Variants in POLR1A observed in about 807,000 individuals in gnomAD.
POLR1A encodes RNA polymerase I subunit A, also known as DNA-directed RNA polymerase I subunit RPA1.
Under a neutral mutation model 205.3 loss-of-function variants are expected in POLR1A, and 84 were observed. The observed-to-expected ratio is 0.41, with a 90% CI of 0.34 to 0.49. The LOEUF (loss-of-function observed/expected upper bound fraction) is 0.49. Ranked by LOEUF, POLR1A falls within the 20% of genes least tolerant of loss-of-function variation. The pLI, the probability that POLR1A is intolerant of heterozygous loss-of-function variation, is 0.22. For missense variants in POLR1A, 1,645 were observed against 2,204.5 expected (o/e 0.75, Z 5.08); for synonymous variants, 799 against 863.7 (o/e 0.93, Z 1.31).
At chr2:86,079,769 C>T (rs1673362466) in intron 9 of POLR1A, among the ~76,000 whole-genome samples, 2 of 151,986 alleles carry the variant, frequency 1.3e-5, no homozygotes, top group Non-Finnish European at 2.9e-5. Context: ...CGCCATGTTG[C>T]CCACCTGGTC....
chr2:86,091,613 A>G (rs1673609798), intron 3 of POLR1A, among the ~76,000 whole-genome samples: 1 of 152,248 alleles, frequency 6.6e-6, no homozygotes, highest in Non-Finnish European at 1.5e-5. Flanking sequence ...TTTACAAAAA[A>G]AAGTTTAAGG....
chr2:86,026,935 CAGGCTCCA>C lies in POLR1A; in HGVS notation c.*480_*487del. On this transcript the variant is annotated 3_prime_UTR_variant, in exon 34 of 34. Transcript: ENST00000263857. ...GCCGGAAGGAGCAGGCCTTGGGCAG[CAGGCTCCA>C]CGTTCCTGCTCATCGGGAGCCCCCA... The C allele has an allele frequency of 2.3e-5, 4 of 175,814 alleles. No individual in the cohort carries two copies. The highest frequency in any genetic ancestry group is 5.4e-5 in the Admixed American group (1 of 18,642). 10.9% of individuals were successfully genotyped at this position (175,814 alleles called of 1,614,324 possible). A position where few individuals can be genotyped will look rare whatever the true frequency, so the allele number is the denominator to read the frequency against.
chr2:86,065,249 A>C, intron 14 of POLR1A, 25 bp downstream of exon 14: 1 of 1,602,112 alleles, frequency 6.2e-7, no homozygotes, highest in East Asian at 2.2e-5. Flanking sequence ...TTTGTTACAT[A>C]CACTGGCTGT....
intron 6 of POLR1A, among the ~76,000 whole-genome samples, chr2:86,084,665 CTTT>C (rs546893329): frequency 7.8e-5 from 10 of 127,598 alleles, no homozygotes; most frequent in East Asian, 2.4e-4. Flanking sequence ...TTGCCTTTTC[CTTT>C]TTTTTTTTTT....
At chr2:86,087,140 T>A (rs982690230) in intron 6 of POLR1A, among the ~76,000 whole-genome samples, 1 of 152,230 alleles carries the variant, frequency 6.6e-6, no homozygotes, top group African/African-American at 2.4e-5. Context: ...TCTACTATGT[T>A]ATACAGTAGG....
At chr2:86,103,992 A>T (rs2104440759) in intron 1 of POLR1A, among the ~76,000 whole-genome samples, 1 of 152,314 alleles carries the variant, frequency 6.6e-6, no homozygotes, top group Admixed American at 6.5e-5. Context: ...GTGGTTTAAT[A>T]GGGCTGAAGA....
rs1176175138 is a variant in POLR1A at position 86,065,386 on chromosome 2, G to A, written c.1946C>T (p.Thr649Ile). ...CACCAGCTCCATATAGTGCTCCCGG[G>A]TGAAAAAGCAACCCCGAGTAGTCAT... ...ASMTTRGCFF[T>I]REHYMELVYR... Residue 649 changes from threonine to isoleucine, a missense_variant, in exon 14 of 34, where the codon ACC (threonine) becomes ATC (isoleucine). Physicochemically the swap from Thr to Ile is moderately conservative, Grantham distance 89 (BLOSUM62 -1). Around this residue, in one of 16 missense-constraint regions of POLR1A, gnomAD observed 339 missense variants for 415.1 expected, o/e 0.82. Coordinates refer to ENST00000263857, the MANE Select transcript of POLR1A (RefSeq NM_015425.6). 1.2e-6 allele frequency: 2 copies of A among 1,614,146 alleles called. No individual in the cohort carries two copies. The highest frequency in any genetic ancestry group is 1.7e-6 in the Non-Finnish European group (2 of 1,180,018).
intron 16 of POLR1A, among the ~76,000 whole-genome samples, chr2:86,051,372 T>C (rs1018156167): frequency 1.3e-5 from 2 of 152,176 alleles, no homozygotes; most frequent in African/African-American, 4.8e-5. Context: ...ATGCTTTTTT[T>C]TTTTTAACCT....
chr2:86,021,007 G>A lies in POLR1A; in HGVS notation c.*6416C>T, dbSNP rs180718462. ...TTGAGGGCTTGAGATTCCAAGAAAA[G>A]TCTTATTTCAGAGCTCAGTGTCTTG... On this transcript the variant is annotated 3_prime_UTR_variant, in exon 34 of 34. Transcript: ENST00000263857. The A allele has an allele frequency of 6.6e-6, 1 of 152,378 alleles. No homozygotes were observed. The highest frequency in any genetic ancestry group is 1.5e-5 in the Non-Finnish European group (1 of 68,036). 9.4% of individuals were successfully genotyped at this position (152,378 alleles called of 1,614,324 possible).
rs368295210 is a variant in POLR1A, at chr2:86,044,121, C to T, written c.3135+18G>A. ...GGCCTACTGCTCGGCCCCCAGGCTCCGGGATCTAGCACACTACCTCGTAGT... is the reference window on the plus strand; with the variant it reads ...GGCCTACTGCTCGGCCCCCAGGCTCTGGGATCTAGCACACTACCTCGTAGT... On this transcript the variant is annotated intron_variant, in intron 22 of 33. Coordinates refer to ENST00000263857, the MANE Select transcript of POLR1A (RefSeq NM_015425.6). 189 of 1,613,234 alleles carry T rather than the reference C, an allele frequency of 1.2e-4. No homozygotes were observed. Among genetic ancestry groups the T allele is most frequent in the South Asian group, 1.1e-4 (10 of 91,056 alleles).
chr2:86,091,004 T>C (rs1392644764), intron 3 of POLR1A, among the ~76,000 whole-genome samples: 1 of 152,194 alleles, frequency 6.6e-6, no homozygotes, highest in Non-Finnish European at 1.5e-5. Context: ...TTTTTTAGTA[T>C]AAGGTTAGAA....
chr2:86,065,667 T>C, intron 13 of POLR1A: 1 of 571,226 alleles, frequency 1.8e-6, no homozygotes, highest in East Asian at 2.9e-5. Flanking sequence ...CACTGGCTTC[T>C]ACGTTTGCCA....
At chr2:86,027,758 C>G (rs974465461) in intron 33 of POLR1A, 127 bp downstream of exon 33, 9 of 1,118,180 alleles carry the variant, frequency 8.0e-6, no homozygotes, top group Non-Finnish European at 1.2e-5. Context: ...CTCCAGCCGC[C>G]CCCGCTCCCC....
In POLR1A at chr2:86,022,379, A is replaced by G. The variant is rs1298903340; in HGVS notation, c.*5044T>C. ...GCACTCACTTGAGGGCAGAGATCAG[A>G]TCTTAAGATCCTACTGCAGAAACCT... On this transcript the variant is annotated 3_prime_UTR_variant, in exon 34 of 34. Transcript: ENST00000263857. 1 of 152,200 alleles carries G rather than the reference A, an allele frequency of 6.6e-6. No individual in the cohort carries two copies. The highest frequency in any genetic ancestry group is 6.5e-5 in the Admixed American group (1 of 15,282). The allele number at this position is 152,200 out of a possible 1,614,324, so 9.4% of individuals were successfully genotyped here. A position where few individuals can be genotyped will look rare whatever the true frequency, so the allele number is the denominator to read the frequency against.
At chr2:86,064,165 T>A (rs914242496) in intron 14 of POLR1A, among the ~76,000 whole-genome samples, 6 of 151,968 alleles carry the variant, frequency 3.9e-5, no homozygotes, top group Admixed American at 6.6e-5. Flanking sequence ...GGTACGGGCT[T>A]TTTTTTTGCC....
At chr2:86,093,370 C>T (rs1285650675) in intron 3 of POLR1A, among the ~76,000 whole-genome samples, 1 of 152,206 alleles carries the variant, frequency 6.6e-6, no homozygotes, top group Non-Finnish European at 1.5e-5. Context: ...CACTGCTGAT[C>T]TGATATACCA....
At chr2:86,061,280 C>A (rs1399699755) in intron 14 of POLR1A, among the ~76,000 whole-genome samples, 3 of 152,262 alleles carry the variant, frequency 2.0e-5, no homozygotes, top group African/African-American at 7.2e-5. Context: ...AACGCTGTCT[C>A]TACTAAAAAT....
intron 27 of POLR1A, among the ~76,000 whole-genome samples, chr2:86,037,299 T>C (rs1672517799): frequency 6.6e-6 from 1 of 152,156 alleles, no homozygotes; most frequent in African/African-American, 2.4e-5. Context: ...AACAACAACT[T>C]CACCCAGGGC....
At chr2:86,042,835 A>T in intron 23 of POLR1A, 139 bp downstream of exon 23, 1 of 681,270 alleles carries the variant, frequency 1.5e-6, no homozygotes, top group South Asian at 1.8e-5. Flanking sequence ...CCCATTTGAG[A>T]GCCATTCTGT....
Sources: allele counts gnomAD v4.1 joint callset (sites outside exome capture counted in the v4.1 genomes callset), GRCh38; gene constraint gnomAD v4.1.1; regional missense constraint gnomAD v4.1.1; transcripts MANE v1.5; gene names NCBI Gene and HGNC (gene_info 2026-07-23, HGNC 2026-07-21).